NOMO3: variants seen among roughly 807,000 people sequenced by gnomAD.
NOMO3 encodes NODAL modulator 3.
NOMO3 carries 15 observed loss-of-function variants against 69.9 expected under a neutral mutation model. That is an observed-to-expected ratio of 0.21 (90% CI 0.14 to 0.33). NOMO3 has a LOEUF of 0.33. NOMO3 is among the 10% of genes least tolerant of loss of function. NOMO3 has a pLI of 1.00. For synonymous variants in NOMO3, 89 were observed against 301.9 expected (o/e 0.29, Z 7.31); for missense variants, 218 against 761.0 (o/e 0.29, Z 8.39).
chr16:16,237,635 A>G (rs923493167), intron 2 of NOMO3, among the ~76,000 whole-genome samples: 2 of 139,666 alleles, frequency 1.4e-5, no homozygotes, highest in South Asian at 4.6e-4. Flanking sequence ...TCCAACCTCC[A>G]CCCCCCAGGT....
chr16:16,259,374 GGT>G (rs2049545164), intron 11 of NOMO3, among the ~76,000 whole-genome samples: 1 of 142,286 alleles, frequency 7.0e-6, no homozygotes, highest in African/African-American at 2.9e-5. Context: ...GTTGAGCCAG[GGT>G]CTTACTCCGT....
intron 11 of NOMO3, among the ~76,000 whole-genome samples, chr16:16,258,742 A>C (rs543068699): frequency 1.4e-5 from 2 of 143,132 alleles, no homozygotes; most frequent in Admixed American, 1.4e-4. Flanking sequence ...ATGCGCGCCT[A>C]TAATCCCAGC....
intron 4 of NOMO3, among the ~76,000 whole-genome samples, chr16:16,244,620 T>TG (rs1421170764): frequency 4.0e-5 from 1 of 25,254 alleles, no homozygotes; most frequent in Admixed American, 3.6e-4. Context: ...TGGGTTCAAG[T>TG]GATTCTCCTG....
At chr16:16,266,995 G>A (rs777341612) in intron 15 of NOMO3, 49 bp from the exon 16 acceptor site, 2 of 635,080 alleles carry the variant, frequency 3.1e-6, no homozygotes, top group Non-Finnish European at 5.5e-6. Context: ...AATCATCTTG[G>A]TGTCTCCATC....
At chr16:16,249,943 G>C (rs1321837192) in intron 6 of NOMO3, among the ~76,000 whole-genome samples, 1 of 140,772 alleles carries the variant, frequency 7.1e-6, no homozygotes, top group Non-Finnish European at 1.5e-5. Flanking sequence ...ATTGTGAAAA[G>C]AACAACTTAA....
chr16:16,238,234 CT>C lies in NOMO3; in HGVS notation c.255+1260del, dbSNP rs539081532. Among the ~76,000 whole-genome samples, 400 of 122,458 alleles carry C rather than the reference CT, an allele frequency of 3.3e-3. 14 individuals carry two copies. The highest frequency in any genetic ancestry group is 9.3e-3 in the African/African-American group (257 of 27,682). 80.3% of individuals were successfully genotyped at this position (122,458 alleles called of 152,430 possible). ...ACATTAGCATAGATAGATCTACTGACTTTTTTTTTTTTTTTTGAGACAGAGT... is the reference window on the plus strand; with the variant it reads ...ACATTAGCATAGATAGATCTACTGACTTTTTTTTTTTTTTTGAGACAGAGT... On this transcript the variant is annotated intron_variant, in intron 2 of 30. Transcript: ENST00000399336.
intron 9 of NOMO3, among the ~76,000 whole-genome samples, chr16:16,252,980 C>T (rs1280105147): frequency 3.0e-5 from 4 of 134,852 alleles, no homozygotes; most frequent in African/African-American, 6.7e-5. Flanking sequence ...ACCACAGGCA[C>T]GTGCCACCAT....
chr16:16,262,166 G>A (rs2141258268), intron 12 of NOMO3, among the ~76,000 whole-genome samples: 1 of 54,964 alleles, frequency 1.8e-5, no homozygotes, highest in Admixed American at 2.1e-4. Flanking sequence ...CCATGGTGAA[G>A]GCCCAAGCCA....
chr16:16,270,071 G>A, intron 16 of NOMO3, 50 bp from the exon 17 acceptor site: 3 of 1,528,252 alleles, frequency 2.0e-6, no homozygotes, highest in Non-Finnish European at 2.6e-6. Context: ...GAATTGCTCA[G>A]TGTAATAGAT....
At chr16:16,252,209 G>C in intron 8 of NOMO3, 109 bp downstream of exon 8, 1 of 1,576,934 alleles carries the variant, frequency 6.3e-7, no homozygotes, top group Non-Finnish European at 8.6e-7. Context: ...GCAGTTCTCT[G>C]AACATGCTGT....
At position 16,245,417 on chromosome 16, in the gene NOMO3, G is replaced by A. The variant is rs387844; in HGVS notation, c.509+243G>A. Among the ~76,000 whole-genome samples the A allele has an allele frequency of 5.1e-3, 737 of 144,458 alleles. 85 individuals carry two copies. The highest frequency in any genetic ancestry group is 0.018 in the African/African-American group (651 of 35,894). The allele number at this position is 144,458 out of a possible 152,430, so 94.8% of individuals were successfully genotyped here. ...ATATGAGTTCATACTGGCCAGGCAT[G>A]TTGGCTTGCGCCTATAATGCCAGCA... On this transcript the variant is annotated intron_variant, in intron 5 of 30. Coordinates refer to ENST00000399336, the MANE Select transcript of NOMO3 (RefSeq NM_001004067.4).
chr16:16,242,752 A>G (rs2049384124), intron 3 of NOMO3, among the ~76,000 whole-genome samples: 2 of 143,292 alleles, frequency 1.4e-5, no homozygotes, highest in South Asian at 4.5e-4. Context: ...AATTGCAGCT[A>G]TTACTGCCTG....
At position 16,232,635 on chromosome 16, in the gene NOMO3, C is replaced by G. The variant is rs917131818; in HGVS notation, c.-32C>G. On this transcript the variant is annotated 5_prime_UTR_variant, in exon 1 of 31. Coordinates refer to ENST00000399336, the MANE Select transcript of NOMO3 (RefSeq NM_001004067.4). ...AGTGTGAGGGGCGGGACCCGGCTGC[C>G]GGCGGTGGGTCTAGCTGGGGGAGGT... 2.5e-4 allele frequency: 117 copies of G among 475,686 alleles called. No homozygotes were observed. Among genetic ancestry groups the G allele is most frequent in the African/African-American group, 6.1e-4 (29 of 47,372 alleles). The allele number at this position is 475,686 out of a possible 1,614,324, so 29.5% of individuals were successfully genotyped here.
Position 16,243,152 on chromosome 16 carries a change from G to A in NOMO3, c.302-9G>A. The A allele has an allele frequency of 4.6e-6, 5 of 1,098,004 alleles. 1 individual carries two copies. Among genetic ancestry groups the A allele is most frequent in the Non-Finnish European group, 6.2e-6 (5 of 811,708 alleles). The allele number at this position is 1,098,004 out of a possible 1,614,324, so 68.0% of individuals were successfully genotyped here. On this transcript the variant is annotated splice_polypyrimidine_tract_variant and intron_variant, in intron 3 of 30. Coordinates refer to ENST00000399336, the MANE Select transcript of NOMO3 (RefSeq NM_001004067.4). ...GTGCCCCGGTTTCCTCCCCTGCTTC[G>A]TTCCTCAGAGCCGACGACCGTGGAG...
At chr16:16,269,429 A>ATTTT (rs750179595) in intron 16 of NOMO3, among the ~76,000 whole-genome samples, 2 of 111,512 alleles carry the variant, frequency 1.8e-5, no homozygotes, top group Non-Finnish European at 3.5e-5. Context: ...GAGAAACCTG[A>ATTTT]TTTTTTTTTT....
At chr16:16,268,831 T>C (rs992025746) in intron 16 of NOMO3, among the ~76,000 whole-genome samples, 10 of 143,972 alleles carry the variant, frequency 6.9e-5, no homozygotes, top group Non-Finnish European at 1.3e-4. Context: ...AGAAAACTTA[T>C]GTTTAAAGGA....
intron 20 of NOMO3, 146 bp downstream of exon 20, chr16:16,274,221 G>A: frequency 9.6e-7 from 1 of 1,044,394 alleles, no homozygotes. Context: ...GTTACTGTTG[G>A]TTGGATGGAT....
intron 11 of NOMO3, among the ~76,000 whole-genome samples, chr16:16,259,015 G>C (rs1173254430): frequency 7.0e-6 from 1 of 142,590 alleles, no homozygotes; most frequent in Non-Finnish European, 1.5e-5. Context: ...GGCAGTCATG[G>C]TTGTCTGGAG....
In NOMO3 at chr16:16,262,887, T is replaced by C. The variant is rs777840313; in HGVS notation, c.1396-187T>C. On this transcript the variant is annotated intron_variant, in intron 12 of 30. Transcript: ENST00000399336. The stretch of plus-strand genomic sequence containing the variant: ...TGTTGAGGCTAATTTTTCATCTGGG[T>C]AGAACCGTGCTTACTTCACACAAGT... 2.0e-4 allele frequency among the ~76,000 whole-genome samples: 29 copies of C among 142,722 alleles called. 2 individuals carry two copies. Among genetic ancestry groups the C allele is most frequent in the Admixed American group, 4.1e-4 (6 of 14,784 alleles). The allele number at this position is 142,722 out of a possible 152,430, so 93.6% of individuals were successfully genotyped here. A position where few individuals can be genotyped will look rare whatever the true frequency, so the allele number is the denominator to read the frequency against.
Sources: allele counts gnomAD v4.1 joint callset (sites outside exome capture counted in the v4.1 genomes callset), GRCh38; gene constraint gnomAD v4.1.1; transcripts MANE v1.5; gene names NCBI Gene and HGNC (gene_info 2026-07-23, HGNC 2026-07-21).